The following LYVE1 variants were observed in gnomAD, a reference collection of about 807,000 sequenced individuals.
The protein encoded by LYVE1 is lymphatic vessel endothelial hyaluronan receptor 1, also known as lymphatic vessel endothelial hyaluronic acid receptor 1.
A neutral mutation model predicts 31.5 loss-of-function variants in LYVE1; 29 were observed. The observed-to-expected ratio is 0.92, with a 90% CI of 0.69 to 1.26. The LOEUF is 1.26. Ranked by LOEUF, LYVE1 falls within the 50% of genes most tolerant of loss-of-function variation. LYVE1 has a pLI of 0.00. For synonymous variants in LYVE1, 134 were observed against 139.4 expected, an observed-to-expected ratio of 0.96 and a Z score of 0.27; for missense variants, 376 against 380.2, an observed-to-expected ratio of 0.99 and a Z score of 0.09.
intron 1 of LYVE1, among the ~76,000 whole-genome samples, chr11:10,568,115 C>A (rs574295545): frequency 6.6e-6 from 1 of 152,258 alleles, no homozygotes; most frequent in African/African-American, 2.4e-5. Flanking sequence ...GGCTGGGCAA[C>A]AAAGCGAGAT....
Position 10,564,278 on chromosome 11 carries a change from C to G in LYVE1, c.182G>C (p.Cys61Ser), listed in dbSNP as rs746100946. The part of the protein sequence containing the change: ...QLNFTEAKEA[C>S]RLLGLSLAGK... ...GGCCAAACTTAGTCCCAGCAGCCTA[C>G]AGGCCTCCTTAGCTTCTGTGAAATT... is the stretch of plus-strand genomic sequence containing the variant. Residue 61 changes from cysteine to serine, a missense_variant, in exon 2 of 6, where the codon TGT becomes TCT. Physicochemically the swap from Cys to Ser is moderately radical, Grantham distance 112 (BLOSUM62 -1). Transcript: ENST00000256178. 6.2e-7 allele frequency: 1 copy of G among 1,614,236 alleles called. No individual in the cohort carries two copies. Among genetic ancestry groups the G allele is most frequent in the Admixed American group, 1.7e-5 (1 of 60,032 alleles).
At chr11:10,562,946 CTTTTTTTTTT>C (rs71034774) in intron 3 of LYVE1, among the ~76,000 whole-genome samples, 5 of 79,456 alleles carry the variant, frequency 6.3e-5, no homozygotes, top group Admixed American at 5.7e-4. Flanking sequence ...AACTCGGTTT[CTTTTTTTTTT>C]TTTTTTTTTT....
At position 10,559,053 on chromosome 11, in the gene LYVE1, C is replaced by T; in HGVS notation, c.*58G>A. 6.7e-7 allele frequency: 1 copy of T among 1,490,606 alleles called. No homozygotes were observed. Among genetic ancestry groups the T allele is most frequent in the South Asian group, 1.3e-5 (1 of 79,680 alleles). 92.3% of individuals were successfully genotyped at this position (1,490,606 alleles called of 1,614,324 possible). ...GCCCTTTTGATTTCCCCAGCTGGGG[C>T]AGGGTAAGGAGCATGAAAGAAACCA... On this transcript the variant is annotated 3_prime_UTR_variant, in exon 6 of 6. Transcript: ENST00000256178.
chr11:10,562,465 T>C (rs145111117), intron 3 of LYVE1, among the ~76,000 whole-genome samples: 10 of 152,352 alleles, frequency 6.6e-5, no homozygotes, highest in Non-Finnish European at 1.3e-4. Flanking sequence ...GGATCCTATA[T>C]TGCCTTTCTG....
rs1379894553 is a variant in LYVE1 at position 10,559,676 on chromosome 11, G to C, written c.782+140C>G. 3.8e-5 allele frequency: 25 copies of C among 661,892 alleles called. No homozygotes were observed. The Admixed American group carries it at 7.1e-4, about 19-fold the overall frequency. 41.0% of individuals were successfully genotyped at this position (661,892 alleles called of 1,614,324 possible). On this transcript the variant is annotated intron_variant, in intron 5 of 5. Transcript: ENST00000256178. ...TAGAAAAGATTGGGCTGAAGGGAAAGAGATGAGATGAGGGAGAAATTTATA... is the reference window on the plus strand; with the variant it reads ...TAGAAAAGATTGGGCTGAAGGGAAACAGATGAGATGAGGGAGAAATTTATA...
rs767570459 is a variant in LYVE1, at chr11:10,557,046, G to T, written c.*2065C>A. On this transcript the variant is annotated 3_prime_UTR_variant, in exon 6 of 6. Coordinates refer to ENST00000256178, the MANE Select transcript of LYVE1 (RefSeq NM_006691.4). ...CTTTACTCCCTGAGAAATGGATGAA[G>T]CTGATAAAGCTTAAGGACTGACAAA... 2.6e-5 allele frequency: 4 copies of T among 151,990 alleles called. No individual in the cohort carries two copies. Among genetic ancestry groups the T allele is most frequent in the Non-Finnish European group, 5.9e-5 (4 of 68,016 alleles). 9.4% of individuals were successfully genotyped at this position (151,990 alleles called of 1,614,324 possible).
intron 1 of LYVE1, among the ~76,000 whole-genome samples, chr11:10,566,349 A>G (rs1209650510): frequency 1.3e-5 from 2 of 152,144 alleles, no homozygotes; most frequent in Non-Finnish European, 1.5e-5. Flanking sequence ...ACCTCAGGTG[A>G]TCCACCCACC....
In LYVE1 at chr11:10,568,517, T is replaced by TGAAGCACCTGGCC; in HGVS notation, c.3_15dup (p.Ser6GlyfsTer57). 1 of 1,613,898 alleles carries TGAAGCACCTGGCC rather than the reference T, an allele frequency of 6.2e-7. No homozygotes were observed. The highest frequency in any genetic ancestry group is 8.5e-7 in the Non-Finnish European group (1 of 1,179,876). ...ATGGAAGTGAGAAGCAACACCAGGC[T>TGAAGCACCTGGCC]GAAGCACCTGGCCATCGTGCCTACC... On this transcript the variant is annotated frameshift_variant, in exon 1 of 6. Coordinates refer to ENST00000256178, the MANE Select transcript of LYVE1 (RefSeq NM_006691.4). LOFTEE classifies it high-confidence loss of function.
intron 3 of LYVE1, among the ~76,000 whole-genome samples, chr11:10,562,506 C>T (rs1198811264): frequency 7.2e-5 from 11 of 152,200 alleles, no homozygotes. Flanking sequence ...GGCTGGTGCA[C>T]ATTTATCTCT....
At chr11:10,568,341 C>T (rs555882583) in intron 1 of LYVE1, 107 bp downstream of exon 1, 98 of 1,067,636 alleles carry the variant, frequency 9.2e-5, no homozygotes, top group Non-Finnish European at 1.3e-4. Context: ...ATTAGACCTG[C>T]TGTTGACACT....
Position 10,568,658 on chromosome 11 carries a change from C to G in LYVE1, c.-126G>C. Reference sequence around the variant, plus strand: ...ATGTTGAGGCTCACACTCACTGCTCCACTTCATAACCGAGACATCCGGATT... The same window carrying G: ...ATGTTGAGGCTCACACTCACTGCTCGACTTCATAACCGAGACATCCGGATT... On this transcript the variant is annotated 5_prime_UTR_variant, in exon 1 of 6. Coordinates refer to ENST00000256178, the MANE Select transcript of LYVE1 (RefSeq NM_006691.4). The G allele has an allele frequency of 7.7e-7, 1 of 1,291,176 alleles. No individual in the cohort carries two copies. Among genetic ancestry groups the G allele is most frequent in the South Asian group, 2.4e-5 (1 of 41,252 alleles). 80.0% of individuals were successfully genotyped at this position (1,291,176 alleles called of 1,614,324 possible).
At chr11:10,565,759 C>T (rs1223111124) in intron 1 of LYVE1, among the ~76,000 whole-genome samples, 1 of 151,870 alleles carries the variant, frequency 6.6e-6, no homozygotes, top group Non-Finnish European at 1.5e-5. Context: ...CTCAGCCTCC[C>T]TGAGTAGCTG....
At chr11:10,563,336 C>T (rs187885939) in intron 3 of LYVE1, among the ~76,000 whole-genome samples, 2 of 152,090 alleles carry the variant, frequency 1.3e-5, no homozygotes, top group East Asian at 1.9e-4. Flanking sequence ...AAGCAACCAA[C>T]CTTGGATTGA....
intron 3 of LYVE1, 80 bp downstream of exon 3, chr11:10,563,860 A>T: frequency 6.5e-7 from 1 of 1,545,866 alleles, no homozygotes; most frequent in Non-Finnish European, 8.9e-7. Context: ...GCTGCTGCTC[A>T]GGGTTACTCT....
At chr11:10,564,107 A>G (rs1850486654) in intron 2 of LYVE1, 28 bp from the exon 3 acceptor site, 1 of 1,614,246 alleles carries the variant, frequency 6.2e-7, no homozygotes, top group East Asian at 2.2e-5. Context: ...CTAGTTGAAC[A>G]GAAAAATGAT....
rs1194262676 is a variant in LYVE1, at chr11:10,568,451, C to T, written c.82G>A (p.Glu28Lys). The change falls in exon 1 of 6, where the codon GAA becomes AAA. Residue 28 changes from glutamate to lysine, a missense_variant. Coordinates refer to ENST00000256178, the MANE Select transcript of LYVE1 (RefSeq NM_006691.4). ...GGAAATCTGGTGAGAAACCTACCTT[C>T]TGCACGCAAAGAGCCTTGGACCAGG... ...RLLVQGSLRA[E>K]ELSIQVSCRI... The T allele has an allele frequency of 6.2e-7, 1 of 1,613,834 alleles. No homozygotes were observed. Among genetic ancestry groups the T allele is most frequent in the Admixed American group, 1.7e-5 (1 of 59,988 alleles).
rs552070450 is a variant in LYVE1, at chr11:10,563,529, A to G, written c.397+411T>C. Among the ~76,000 whole-genome samples the G allele has an allele frequency of 3.0e-4, 45 of 152,202 alleles. 1 individual carries two copies. In the South Asian group the frequency reaches 8.9e-3, roughly 30 times the overall value. On this transcript the variant is annotated intron_variant, in intron 3 of 5. Transcript: ENST00000256178. ...AATATGACCCCATTTTATATCAGGG[A>G]CTTGGGCATCTGTAGATTTTTGTAT... is the stretch of plus-strand genomic sequence containing the variant.
intron 3 of LYVE1, among the ~76,000 whole-genome samples, chr11:10,563,216 T>C (rs1850467776): frequency 6.6e-6 from 1 of 152,114 alleles, no homozygotes; most frequent in Admixed American, 6.5e-5. Context: ...CCCAAAGTGC[T>C]GGGATTACAG....
At chr11:10,563,594 G>A (rs1850475009) in intron 3 of LYVE1, among the ~76,000 whole-genome samples, 1 of 152,038 alleles carries the variant, frequency 6.6e-6, no homozygotes, top group African/African-American at 2.4e-5. Context: ...TGACACTGAG[G>A]GACGACTGTG....
Sources: allele counts gnomAD v4.1 joint callset (sites outside exome capture counted in the v4.1 genomes callset), GRCh38; gene constraint gnomAD v4.1.1; transcripts MANE v1.5; gene names NCBI Gene and HGNC (gene_info 2026-07-23, HGNC 2026-07-21).